The following ATOSA variants were observed in gnomAD, a reference collection of about 807,000 sequenced individuals.
The protein encoded by ATOSA is atos homolog A.
At chr15:52,657,101 A>C in the ATOSA span, 2 of 152,174 alleles carry the variant, frequency 1.3e-5, no homozygotes, top group East Asian at 3.8e-4. Context: ...GAAGAAACTG[A>C]ATCATAGAAA....
At chr15:52,685,119 G>A in the ATOSA span, among the ~76,000 whole-genome samples, 5 of 152,328 alleles carry the variant, frequency 3.3e-5, no homozygotes, top group East Asian at 7.7e-4. Flanking sequence ...TCTATTTGCT[G>A]TAGGATTCAG....
the ATOSA span, among the ~76,000 whole-genome samples, chr15:52,606,179 A>G: frequency 1.3e-5 from 2 of 152,086 alleles, no homozygotes. Flanking sequence ...TGTCAATATT[A>G]AGAACCATTT....
chr15:52,696,611 C>A, the ATOSA span, among the ~76,000 whole-genome samples: 2 of 152,082 alleles, frequency 1.3e-5, no homozygotes, highest in African/African-American at 4.8e-5. Flanking sequence ...ACATAAGCAA[C>A]AAGCTGCAGT....
chr15:52,613,756 G>C, the ATOSA span: 2 of 1,613,832 alleles, frequency 1.2e-6, no homozygotes, highest in Non-Finnish European at 1.7e-6. Context: ...CTTTCTGTTC[G>C]ACCTTTTACA....
the ATOSA span, among the ~76,000 whole-genome samples, chr15:52,683,508 T>A: frequency 6.6e-6 from 1 of 152,258 alleles, no homozygotes; most frequent in African/African-American, 2.4e-5. Flanking sequence ...CAAACAGCTC[T>A]GGTTGATGTG....
chr15:52,596,616 C>T, the ATOSA span, among the ~76,000 whole-genome samples: 10 of 152,202 alleles, frequency 6.6e-5, no homozygotes, highest in African/African-American at 2.4e-4. Flanking sequence ...TATATGAAGA[C>T]ATTTTTGGTT....
At chr15:52,589,953 A>T in the ATOSA span, among the ~76,000 whole-genome samples, 1 of 151,916 alleles carries the variant, frequency 6.6e-6, no homozygotes, top group Non-Finnish European at 1.5e-5. Flanking sequence ...ACGCCCAGCT[A>T]ATTTTTGTGC....
the ATOSA span, among the ~76,000 whole-genome samples, chr15:52,703,466 T>C: frequency 1.0e-3 from 152 of 152,240 alleles, no homozygotes; most frequent in African/African-American, 3.6e-3. Context: ...GACAAAATGG[T>C]GCATTCTGTT....
At chr15:52,590,981 A>C in the ATOSA span, among the ~76,000 whole-genome samples, 1 of 152,222 alleles carries the variant, frequency 6.6e-6, no homozygotes, top group Non-Finnish European at 1.5e-5. Flanking sequence ...ATCTGCGTGT[A>C]CATCTCTAGT....
chr15:52,608,812 C>T, the ATOSA span: 3 of 1,602,824 alleles, frequency 1.9e-6, no homozygotes, highest in African/African-American at 1.3e-5. Flanking sequence ...TGAGGACATG[C>T]TTTCATATTT....
the ATOSA span, among the ~76,000 whole-genome samples, chr15:52,697,617 A>G: frequency 1.3e-5 from 2 of 152,204 alleles, no homozygotes; most frequent in African/African-American, 4.8e-5. Flanking sequence ...TAAGAACATA[A>G]TGTTACATTT....
At chr15:52,612,469 C>A in the ATOSA span, among the ~76,000 whole-genome samples, 1 of 150,816 alleles carries the variant, frequency 6.6e-6, no homozygotes, top group Non-Finnish European at 1.5e-5. Flanking sequence ...ATATTAAAAA[C>A]TCATTTTCAT....
At chr15:52,683,017 T>C in the ATOSA span, among the ~76,000 whole-genome samples, 1 of 152,218 alleles carries the variant, frequency 6.6e-6, no homozygotes, top group Non-Finnish European at 1.5e-5. Flanking sequence ...AAATGTATTC[T>C]TTCTGGTCCC....
At chr15:52,587,590 C>CT in the ATOSA span, 1 of 154,874 alleles carries the variant, frequency 6.5e-6, no homozygotes, top group Non-Finnish European at 1.4e-5. Context: ...GGTCTTCGGG[C>CT]ATGTAAAAAG....
chr15:52,600,136 T>C, the ATOSA span: 1 of 1,593,646 alleles, frequency 6.3e-7, no homozygotes, highest in African/African-American at 1.3e-5. Context: ...CCTCAAAATT[T>C]CCTAGGAGAC....
the ATOSA span, among the ~76,000 whole-genome samples, chr15:52,592,404 G>A: frequency 0.9 from 136,417 of 152,236 alleles, 61,176 homozygotes; most frequent in East Asian, 1. Context: ...CTAGCTACTT[G>A]TCTCTCTTTG....
At chr15:52,641,065 C>T in the ATOSA span, among the ~76,000 whole-genome samples, 109,704 of 152,070 alleles carry the variant, frequency 0.72, 41,753 homozygotes, top group Non-Finnish European at 0.83. Flanking sequence ...AAACCATTTA[C>T]CACAAACCTC....
At chr15:52,690,662 C>T in the ATOSA span, among the ~76,000 whole-genome samples, 2 of 152,144 alleles carry the variant, frequency 1.3e-5, no homozygotes, top group African/African-American at 2.4e-5. Context: ...CTTGCAGAAT[C>T]CAACAGAAGA....
chr15:52,627,260 C>T, the ATOSA span, among the ~76,000 whole-genome samples: 1 of 152,160 alleles, frequency 6.6e-6, no homozygotes, highest in Non-Finnish European at 1.5e-5. Flanking sequence ...TACCCTGTCA[C>T]AAACTGCACA....
Sources: allele counts gnomAD v4.1 joint callset (sites outside exome capture counted in the v4.1 genomes callset), GRCh38; gene constraint gnomAD v4.1.1; transcripts MANE v1.5; gene names NCBI Gene and HGNC (gene_info 2026-07-23, HGNC 2026-07-21).